Variants in AGO2 observed in about 807,000 individuals in gnomAD.
AGO2 encodes the protein argonaute RISC catalytic component 2, also known as protein argonaute-2.
In AGO2, 5 loss-of-function variants were observed where a neutral mutation model predicts 102.3. The observed-to-expected ratio is 0.05, with a 90% CI of 0.03 to 0.10. The LOEUF (loss-of-function observed/expected upper bound fraction) is 0.10, where lower values mean the gene tolerates loss of function less well. Among genes scored for constraint, AGO2 ranks in the 10% least tolerant of loss-of-function variants. The pLI is 1.00. For missense variants in AGO2, 541 were observed against 1,183.7 expected, an observed-to-expected ratio of 0.46 and a Z score of 7.97; for synonymous variants, 449 against 473.1, an observed-to-expected ratio of 0.95 and a Z score of 0.66.
At chr8:140,629,944 AGAGAGGTGGG>A (rs921671206) in intron 1 of AGO2, among the ~76,000 whole-genome samples, 1 of 150,052 alleles carries the variant, frequency 6.7e-6, no homozygotes, top group African/African-American at 2.5e-5. Flanking sequence ...AGAGGAGAGG[AGAGAGGTGGG>A]GCTTCCAGTT....
At chr8:140,534,283 G>A (rs762981523) in intron 17 of AGO2, among the ~76,000 whole-genome samples, 5 of 152,222 alleles carry the variant, frequency 3.3e-5, no homozygotes, top group African/African-American at 4.8e-5. Flanking sequence ...CCGTTAGAAA[G>A]ATTTTGGGTA....
Position 140,522,093 on chromosome 8 carries a change from T to C in AGO2, c.*9951A>G, listed in dbSNP as rs866958738. ...AAAGTCTATCAAATTCCATGACCAA[T>C]TGGACTTTTCTCCCACCTGTAATAT... On this transcript the variant is annotated 3_prime_UTR_variant, in exon 19 of 19. Transcript: ENST00000220592. 1 of 152,144 alleles carries C rather than the reference T, an allele frequency of 6.6e-6. No homozygotes were observed. The highest frequency in any genetic ancestry group is 2.4e-5 in the African/African-American group (1 of 41,424). The allele number at this position is 152,144 out of a possible 1,614,324, so 9.4% of individuals were successfully genotyped here. A position where few individuals can be genotyped will look rare whatever the true frequency, so the allele number is the denominator to read the frequency against.
rs2133040432 is a variant in AGO2 at position 140,595,895 on chromosome 8, ATATT to A, written c.23-10588_23-10585del. 1.7e-5 allele frequency among the ~76,000 whole-genome samples: 2 copies of A among 121,156 alleles called. 1 individual carries two copies. Among genetic ancestry groups the A allele is most frequent in the African/African-American group, 6.5e-5 (2 of 30,568 alleles). The allele number at this position is 121,156 out of a possible 152,430, so 79.5% of individuals were successfully genotyped here. A position where few individuals can be genotyped will look rare whatever the true frequency, so the allele number is the denominator to read the frequency against. On this transcript the variant is annotated intron_variant, in intron 1 of 18. Transcript: ENST00000220592. ...TATATTATATAATATATAATTATAT[ATATT>A]ATGTATTATATAATATATATTATGT...
intron 1 of AGO2, among the ~76,000 whole-genome samples, chr8:140,629,304 T>C (rs1436743682): frequency 6.6e-6 from 1 of 152,090 alleles, no homozygotes; most frequent in Non-Finnish European, 1.5e-5. Flanking sequence ...GGTCACTGTA[T>C]GAAGACTAAG....
intron 1 of AGO2, among the ~76,000 whole-genome samples, chr8:140,607,526 ACACG>A (rs1461232207): frequency 1.4e-5 from 2 of 141,676 alleles, no homozygotes; most frequent in Admixed American, 7.1e-5. Flanking sequence ...ACACACACAC[ACACG>A]TATGGAAAAA....
chr8:140,599,256 C>G (rs557093533), intron 1 of AGO2, among the ~76,000 whole-genome samples: 1 of 152,184 alleles, frequency 6.6e-6, no homozygotes, highest in African/African-American at 2.4e-5. Flanking sequence ...TATGTGGTGG[C>G]GTCGCTGTGG....
chr8:140,530,155 T>TGCACAC lies in AGO2; in HGVS notation c.*1883_*1888dup, dbSNP rs1328969496. 3 of 121,882 alleles carry TGCACAC rather than the reference T, an allele frequency of 2.5e-5. No homozygotes were observed. Among genetic ancestry groups the TGCACAC allele is most frequent in the African/African-American group, 1.2e-4 (3 of 24,098 alleles). The allele number at this position is 121,882 out of a possible 1,614,324, so 7.6% of individuals were successfully genotyped here. The stretch of plus-strand genomic sequence containing the variant: ...ACACTCACACACAGGGACACACGCA[T>TGCACAC]GCACACACACACACACCACTCTGAG... On this transcript the variant is annotated 3_prime_UTR_variant, in exon 19 of 19. Transcript: ENST00000220592.
At chr8:140,543,299 A>G (rs2072835146) in intron 14 of AGO2, among the ~76,000 whole-genome samples, 1 of 152,192 alleles carries the variant, frequency 6.6e-6, no homozygotes, top group East Asian at 1.9e-4. Flanking sequence ...TAGTTGATGC[A>G]TGTGAATTTC....
intron 1 of AGO2, among the ~76,000 whole-genome samples, chr8:140,634,426 C>A (rs747577893): frequency 6.6e-6 from 1 of 152,176 alleles, no homozygotes; most frequent in Non-Finnish European, 1.5e-5. Flanking sequence ...GCGCCGCCTG[C>A]GGCCCGGCTG....
In AGO2 at chr8:140,572,873, G is replaced by T. The variant is rs1322094259; in HGVS notation, c.275C>A (p.Pro92His). 6.2e-7 allele frequency: 1 copy of T among 1,613,968 alleles called. No individual in the cohort carries two copies. The highest frequency in any genetic ancestry group is 1.3e-5 in the African/African-American group (1 of 74,900). ...FKTQIFGDRK[P>H]VFDGRKNLYT... is the part of the protein sequence containing the mutation. The stretch of plus-strand genomic sequence containing the variant: ...TAGATTCTTCCTGCCGTCAAACACG[G>T]GCTTCCGATCCCCAAAGATCTGTGT... Residue 92 changes from proline to histidine, a missense_variant, in exon 3 of 19, where the codon CCC (proline) becomes CAC (histidine). Coordinates refer to ENST00000220592, the MANE Select transcript of AGO2 (RefSeq NM_012154.5).
chr8:140,538,720 A>T (rs866332184), intron 16 of AGO2, among the ~76,000 whole-genome samples: 4 of 152,150 alleles, frequency 2.6e-5, no homozygotes, highest in Non-Finnish European at 5.9e-5. Context: ...TCTAACTGGG[A>T]CTTTTTCAGA....
chr8:140,569,975 C>A (rs2073351739), intron 3 of AGO2, among the ~76,000 whole-genome samples: 1 of 152,156 alleles, frequency 6.6e-6, no homozygotes, highest in Non-Finnish European at 1.5e-5. Flanking sequence ...ACAAGTGAGG[C>A]ACGAAAAAGT....
At chr8:140,549,366 T>A (rs2072956585) in intron 11 of AGO2, 68 bp from the exon 12 acceptor site, 5 of 1,474,142 alleles carry the variant, frequency 3.4e-6, no homozygotes, top group Non-Finnish European at 4.6e-6. Context: ...GACCAGAGGC[T>A]CTAACACAAG....
chr8:140,563,496 A>G (rs899326661), intron 3 of AGO2, among the ~76,000 whole-genome samples: 1 of 152,212 alleles, frequency 6.6e-6, no homozygotes, highest in Admixed American at 6.5e-5. Flanking sequence ...TTGGCCTCTC[A>G]AAGTGCTAGG....
chr8:140,601,381 C>T (rs571238691), intron 1 of AGO2, among the ~76,000 whole-genome samples: 4 of 152,304 alleles, frequency 2.6e-5, no homozygotes, highest in African/African-American at 9.6e-5. Context: ...CCGCTGTGCT[C>T]GCCTCAACAG....
intron 1 of AGO2, among the ~76,000 whole-genome samples, chr8:140,590,422 G>C (rs2073730381): frequency 1.3e-5 from 2 of 151,808 alleles, no homozygotes; most frequent in South Asian, 2.1e-4. Context: ...CGGAGGCACA[G>C]ATGGGGGTCC....
At chr8:140,548,808 T>G (rs1297906249) in intron 12 of AGO2, among the ~76,000 whole-genome samples, 4 of 152,060 alleles carry the variant, frequency 2.6e-5, no homozygotes, top group Non-Finnish European at 5.9e-5. Flanking sequence ...TAAACAAACG[T>G]TCCCCCATCC....
chr8:140,625,622 CCAATGG>C (rs2074266077), intron 1 of AGO2, among the ~76,000 whole-genome samples: 1 of 152,226 alleles, frequency 6.6e-6, no homozygotes, highest in Non-Finnish European at 1.5e-5. Context: ...CTGGCTCCTT[CCAATGG>C]CATATCCTTT....
intron 2 of AGO2, among the ~76,000 whole-genome samples, chr8:140,573,595 T>C (rs982498877): frequency 6.6e-6 from 1 of 152,248 alleles, no homozygotes; most frequent in Non-Finnish European, 1.5e-5. Context: ...TTGTGCATTT[T>C]AGTGAAACAC....
Sources: gnomAD v4.1 joint callset for allele counts (sites outside exome capture counted in the v4.1 genomes callset) on GRCh38, gnomAD v4.1.1 for gene constraint, MANE v1.5 for transcripts, NCBI Gene and HGNC (gene_info 2026-07-23, HGNC 2026-07-21) for gene names.